The following KLKB1 variants were observed in gnomAD, a reference collection of about 807,000 sequenced individuals.
KLKB1 encodes plasma kallikrein.
Under a neutral mutation model 73.6 loss-of-function variants are expected in KLKB1, and 58 were observed. That is an observed-to-expected ratio of 0.79 (90% CI 0.64 to 0.98). KLKB1 has a LOEUF of 0.98. Among genes scored for constraint, KLKB1 ranks in the 50% least tolerant of loss-of-function variants. The pLI is 0.00. For missense variants in KLKB1, 737 were observed against 763.8 expected (o/e 0.96, Z 0.41); for synonymous variants, 280 against 258.1 (o/e 1.08, Z -0.81).
chr4:186,257,271 C>T lies in KLKB1; in HGVS notation c.1631C>T (p.Thr544Ile). 6.2e-7 allele frequency: 1 copy of T among 1,600,168 alleles called. No homozygotes were observed. The highest frequency in any genetic ancestry group is 8.5e-7 in the Non-Finnish European group (1 of 1,171,374). Reference protein sequence around the residue: ...ILQKVNIPLVTNEECQKRYQD... With the variant: ...ILQKVNIPLVINEECQKRYQD... ...CAAAAGGTAAATATTCCTTTGGTAA[C>T]AAATGAAGAATGCCAGAAAAGATAT... The change falls in exon 14 of 15, where the codon ACA becomes ATA. Residue 544 changes from threonine (T) to isoleucine (I), a missense_variant. Physicochemically the swap from Thr to Ile is moderately conservative, Grantham distance 89. Transcript: ENST00000264690.
chr4:186,213,353 C>A (rs186811068), intron 2 of KLKB1: 7 of 152,294 alleles, frequency 4.6e-5, no homozygotes, highest in Admixed American at 4.6e-4. Context: ...GCAGGTACTG[C>A]ATTTTATTCT....
intron 2 of KLKB1, 110 bp from the exon 3 acceptor site, chr4:186,232,017 A>T: frequency 1.3e-6 from 1 of 780,756 alleles, no homozygotes. Flanking sequence ...GAGTTGTATT[A>T]TACAGGTCTT....
intron 5 of KLKB1, among the ~76,000 whole-genome samples, 156 bp from the exon 6 acceptor site, chr4:186,238,100 G>T (rs905597082): frequency 5.3e-5 from 8 of 152,070 alleles, no homozygotes; most frequent in Admixed American, 4.6e-4. Context: ...TTTGCGAGGG[G>T]AAGGATGTCC....
chr4:186,230,135 C>T (rs1182723801), intron 2 of KLKB1, among the ~76,000 whole-genome samples: 1 of 152,104 alleles, frequency 6.6e-6, no homozygotes, highest in African/African-American at 2.4e-5. Flanking sequence ...TCACCATGGG[C>T]TTTTTGGCTC....
intron 2 of KLKB1, among the ~76,000 whole-genome samples, chr4:186,220,819 G>A (rs1737017712): frequency 6.6e-6 from 1 of 150,946 alleles, no homozygotes; most frequent in African/African-American, 2.4e-5. Context: ...AAGTAATGCT[G>A]GCCTCATTAA....
At chr4:186,221,436 T>A (rs367591059) in intron 2 of KLKB1, among the ~76,000 whole-genome samples, 8 of 152,064 alleles carry the variant, frequency 5.3e-5, no homozygotes, top group African/African-American at 1.4e-4. Context: ...CGCTATAAAC[T>A]TCCTTCTTAG....
chr4:186,238,296 A>G lies in KLKB1; in HGVS notation c.529A>G (p.Thr177Ala), dbSNP rs1203071070. 6.2e-7 allele frequency: 1 copy of G among 1,613,730 alleles called. No homozygotes were observed. The highest frequency in any genetic ancestry group is 1.1e-5 in the South Asian group (1 of 91,076). ...LLKYSPGGTP[T>A]AIKVLSNVES... ...AAAGTACAGTCCCGGAGGAACACCTACCGCTATAAAGGTGCTGAGTAACGT... is the reference window on the plus strand; with the variant it reads ...AAAGTACAGTCCCGGAGGAACACCTGCCGCTATAAAGGTGCTGAGTAACGT... Residue 177 changes from threonine (T) to alanine (A), a missense_variant, in exon 6 of 15, where the codon ACC becomes GCC. Thr to Ala is a moderately conservative substitution (Grantham distance 58). Transcript: ENST00000264690.
At chr4:186,241,747 T>C (rs185723746) in intron 6 of KLKB1, among the ~76,000 whole-genome samples, 148 of 152,318 alleles carry the variant, frequency 9.7e-4, no homozygotes, top group African/African-American at 3.3e-3. Context: ...CGAAGCTGGT[T>C]GATAAAATTG....
chr4:186,257,356 T>C lies in KLKB1; in HGVS notation c.1716T>C (p.Asp572=), dbSNP rs1228440851. Residue 572 remains aspartate, a synonymous_variant, in exon 14 of 15, where the codon GAT becomes GAC. Transcript: ENST00000264690. ...CTGGCTATAAAGAAGGGGGAAAAGA[T>C]GCTTGTAAGGTAACTCATGAGATTA... The part of the protein sequence containing the change: ...VCAGYKEGGK[D]ACKGDSGGPL... 6 of 1,587,774 alleles carry C rather than the reference T, an allele frequency of 3.8e-6. No individual in the cohort carries two copies. The highest frequency in any genetic ancestry group is 2.7e-5 in the African/African-American group (2 of 74,422).
At chr4:186,238,422 A>C in intron 6 of KLKB1, 57 bp downstream of exon 6, 1 of 1,208,328 alleles carries the variant, frequency 8.3e-7, no homozygotes, top group Non-Finnish European at 1.2e-6. Context: ...GAGCCCCCAG[A>C]GACGTCCCTG....
chr4:186,250,143 TAATA>T (rs1580026320), intron 6 of KLKB1, 96 bp from the exon 7 acceptor site: 16 of 1,124,908 alleles, frequency 1.4e-5, no homozygotes, highest in African/African-American at 6.1e-5. Context: ...GTACTATGAA[TAATA>T]AATAGTCACA....
intron 2 of KLKB1, among the ~76,000 whole-genome samples, chr4:186,215,206 T>C (rs370747872): frequency 9.9e-5 from 15 of 151,974 alleles, no homozygotes; most frequent in African/African-American, 3.6e-4. Flanking sequence ...ACTTTCAGAT[T>C]CCATATATAG....
intron 6 of KLKB1, among the ~76,000 whole-genome samples, chr4:186,243,487 C>T (rs4253364): frequency 0.013 from 1,996 of 152,228 alleles, 37 homozygotes; most frequent in African/African-American, 0.045. Context: ...TTGGAATGCT[C>T]GCTGCTTTTT....
chr4:186,257,944 AG>A, intron 14 of KLKB1, 76 bp from the exon 15 acceptor site: 1 of 1,294,828 alleles, frequency 7.7e-7, no homozygotes, highest in Non-Finnish European at 1.1e-6. Context: ...AGTGGACTAC[AG>A]AACTTTAGAG....
intron 2 of KLKB1, chr4:186,211,052 TG>T (rs920950574): frequency 5.1e-5 from 10 of 196,720 alleles, no homozygotes; most frequent in Non-Finnish European, 8.3e-5. Flanking sequence ...TTGGCCAGAC[TG>T]GTCTCAAACT....
At chr4:186,257,932 G>A (rs1263993725) in intron 14 of KLKB1, 89 bp from the exon 15 acceptor site, 1 of 1,103,660 alleles carries the variant, frequency 9.1e-7, no homozygotes, top group African/African-American at 1.5e-5. Flanking sequence ...GTGTTGCTGT[G>A]TAGTGGACTA....
chr4:186,249,704 AT>A (rs1738566854), intron 6 of KLKB1, among the ~76,000 whole-genome samples: 2 of 152,218 alleles, frequency 1.3e-5, no homozygotes, highest in South Asian at 4.1e-4. Flanking sequence ...ATGAGTATCA[AT>A]GGAATTATGT....
intron 13 of KLKB1, 73 bp downstream of exon 13, chr4:186,256,160 A>C (rs1027906153): frequency 1.1e-4 from 103 of 903,282 alleles, no homozygotes; most frequent in Non-Finnish European, 2.8e-5. Flanking sequence ...GGGTCGTTTT[A>C]ATCGGTTTCT....
Position 186,252,112 on chromosome 4 carries a change from G to C in KLKB1, c.1240G>C (p.Ala414Pro). Residue 414 changes from alanine (A) to proline (P), a missense_variant, in exon 11 of 15, where the codon GCT (alanine) becomes CCT (proline). Transcript: ENST00000264690. ...GGTGAGCCTGCAGGTGAAGCTGACA[G>C]CTCAGAGGCACCTGTGTGGAGGGTC... Reference protein sequence around the residue: ...WQVSLQVKLTAQRHLCGGSLI... With the variant: ...WQVSLQVKLTPQRHLCGGSLI... 1 of 1,614,034 alleles carries C rather than the reference G, an allele frequency of 6.2e-7. No homozygotes were observed. The highest frequency in any genetic ancestry group is 1.1e-5 in the South Asian group (1 of 91,090).
Sources: gnomAD v4.1 joint callset for allele counts (sites outside exome capture counted in the v4.1 genomes callset) on GRCh38, gnomAD v4.1.1 for gene constraint, MANE v1.5 for transcripts, NCBI Gene and HGNC (gene_info 2026-07-23, HGNC 2026-07-21) for gene names.